The following CLASP1 variants were observed in gnomAD, a reference collection of about 807,000 sequenced individuals.
The protein encoded by CLASP1 is CLIP-associating protein 1.
In CLASP1, 38 loss-of-function variants were observed where a neutral mutation model predicts 192.3. The observed-to-expected ratio is 0.20, with a 90% CI of 0.15 to 0.26. The LOEUF is 0.26. Among genes scored for constraint, CLASP1 ranks in the 10% least tolerant of loss-of-function variants. The pLI, the probability that CLASP1 is intolerant of heterozygous loss-of-function variation, is 1.00. For missense variants in CLASP1, 1,433 were observed against 1,932.5 expected (o/e 0.74, Z 4.85); for synonymous variants, 691 against 712.8 (o/e 0.97, Z 0.49).
At chr2:121,525,879 T>C (rs2094562943) in exon 6 of CLASP1, 1 of 1,613,530 alleles carries the variant, frequency 6.2e-7, no homozygotes, top group African/African-American at 1.3e-5. Flanking sequence ...GTTGCATATA[T>C]GTGGCACAAT....
intron 19 of CLASP1, among the ~76,000 whole-genome samples, chr2:121,435,384 C>G (rs1043191087): frequency 6.6e-6 from 1 of 152,126 alleles, no homozygotes; most frequent in Non-Finnish European, 1.5e-5. Context: ...AAGTGATTCT[C>G]CTGCCTCAGC....
At chr2:121,537,251 G>C (rs1004538866) in intron 2 of CLASP1, among the ~76,000 whole-genome samples, 1 of 152,038 alleles carries the variant, frequency 6.6e-6, no homozygotes, top group African/African-American at 2.4e-5. Context: ...AATTAGCCAG[G>C]CCTGGTGGCA....
chr2:121,563,043 C>T (rs1466113944), intron 2 of CLASP1, among the ~76,000 whole-genome samples: 3 of 152,120 alleles, frequency 2.0e-5, no homozygotes, highest in Admixed American at 6.5e-5. Flanking sequence ...AATGTACCTG[C>T]CCCATCTGGT....
intron 2 of CLASP1, among the ~76,000 whole-genome samples, chr2:121,576,113 G>A (rs913987144): frequency 6.6e-6 from 1 of 152,170 alleles, no homozygotes; most frequent in African/African-American, 2.4e-5. Context: ...AAGGGTTAGA[G>A]GTCTTTTCAT....
At chr2:121,526,545 T>C (rs533832693) in intron 5 of CLASP1, among the ~76,000 whole-genome samples, 1 of 152,216 alleles carries the variant, frequency 6.6e-6, no homozygotes, top group Non-Finnish European at 1.5e-5. Context: ...GCTACTGTGA[T>C]CAAAGGCTAG....
intron 10 of CLASP1, among the ~76,000 whole-genome samples, 187 bp downstream of exon 10, chr2:121,462,345 C>A (rs904001954): frequency 1.2e-4 from 18 of 152,114 alleles, no homozygotes; most frequent in African/African-American, 4.1e-4. Flanking sequence ...CCCGTTCTTA[C>A]TGAAAGATTA....
chr2:121,388,706 T>C (rs2073799142), intron 30 of CLASP1, among the ~76,000 whole-genome samples: 2 of 152,234 alleles, frequency 1.3e-5, no homozygotes, highest in South Asian at 4.1e-4. Flanking sequence ...ACAATAGTTT[T>C]CATTTATAAA....
chr2:121,644,257 T>C (rs558816105), intron 1 of CLASP1, among the ~76,000 whole-genome samples: 15 of 152,058 alleles, frequency 9.9e-5, no homozygotes, highest in Non-Finnish European at 2.1e-4. Flanking sequence ...TTGAAAATCA[T>C]TGGTTCAGTT....
At chr2:121,366,277 G>C (rs182670776) in intron 35 of CLASP1, among the ~76,000 whole-genome samples, 2 of 152,288 alleles carry the variant, frequency 1.3e-5, no homozygotes, top group Non-Finnish European at 2.9e-5. Context: ...ACTTCTCCCA[G>C]GAAGTGCCAG....
chr2:121,387,814 A>G, exon 31 of CLASP1: 1 of 1,613,954 alleles, frequency 6.2e-7, no homozygotes, highest in South Asian at 1.1e-5. Flanking sequence ...GTTTGGTGGC[A>G]CCATCCTGGA....
intron 34 of CLASP1, among the ~76,000 whole-genome samples, chr2:121,377,097 T>C (rs1000796699): frequency 2.6e-5 from 4 of 152,226 alleles, no homozygotes; most frequent in Non-Finnish European, 5.9e-5. Context: ...GGAAAAACTA[T>C]CTTCCACAAA....
intron 8 of CLASP1, among the ~76,000 whole-genome samples, chr2:121,480,020 C>T (rs1490294987): frequency 1.3e-5 from 2 of 152,192 alleles, no homozygotes; most frequent in South Asian, 2.1e-4. Context: ...AATGCAATCA[C>T]GTTCCATTCC....
intron 39 of CLASP1, among the ~76,000 whole-genome samples, chr2:121,343,869 G>A (rs1240460292): frequency 2.0e-5 from 3 of 152,046 alleles, no homozygotes; most frequent in Admixed American, 2.0e-4. Context: ...TCGAGAGTTC[G>A]AGACCAGCCT....
intron 2 of CLASP1, chr2:121,532,710 A>AGT (rs1461015846): frequency 6.6e-6 from 1 of 152,228 alleles, no homozygotes; most frequent in Non-Finnish European, 1.5e-5. Flanking sequence ...CCTGGAAAAG[A>AGT]GTGTGCAACA....
intron 7 of CLASP1, among the ~76,000 whole-genome samples, chr2:121,514,388 G>A (rs2094228066): frequency 1.3e-5 from 2 of 151,970 alleles, no homozygotes; most frequent in African/African-American, 4.8e-5. Flanking sequence ...CTGATCATCT[G>A]TGCCCTCCAA....
chr2:121,546,640 A>C (rs1041293511), intron 2 of CLASP1, among the ~76,000 whole-genome samples: 1 of 151,998 alleles, frequency 6.6e-6, no homozygotes, highest in South Asian at 2.1e-4. Context: ...AACCCACTCC[A>C]CCAGGGTCTT....
intron 8 of CLASP1, chr2:121,490,153 A>G (rs2093221533): frequency 5.8e-6 from 2 of 347,528 alleles, no homozygotes; most frequent in African/African-American, 2.2e-5. Flanking sequence ...ATTCATAACA[A>G]TCTTTCCCAT....
chr2:121,547,156 G>A (rs1188546994), intron 2 of CLASP1, among the ~76,000 whole-genome samples: 1 of 152,066 alleles, frequency 6.6e-6, no homozygotes, highest in African/African-American at 2.4e-5. Context: ...TCTCCTCATC[G>A]GCAGGTCCTC....
intron 1 of CLASP1, among the ~76,000 whole-genome samples, chr2:121,625,969 C>T (rs574934022): frequency 7.9e-5 from 12 of 151,736 alleles, no homozygotes; most frequent in East Asian, 2.0e-4. Context: ...CATGGTGGCA[C>T]GCACCTGTAA....
Sources: allele counts gnomAD v4.1 joint callset (sites outside exome capture counted in the v4.1 genomes callset), GRCh38; gene constraint gnomAD v4.1.1; transcripts MANE v1.5; gene names NCBI Gene and HGNC (gene_info 2026-07-23, HGNC 2026-07-21).